PCDH11X: variants seen among roughly 807,000 people sequenced by gnomAD.
The protein encoded by PCDH11X is protocadherin 11 X-linked.
Under a neutral mutation model 53.3 loss-of-function variants are expected in PCDH11X, and 18 were observed. The ratio of observed to expected loss-of-function variants is 0.34; its 90% CI spans 0.23 to 0.50. The LOEUF (loss-of-function observed/expected upper bound fraction) is 0.50, where lower values mean the gene tolerates loss of function less well. Among genes scored for constraint, PCDH11X ranks in the 20% least tolerant of loss-of-function variants. The pLI, the probability that PCDH11X is intolerant of heterozygous loss-of-function variation, is 0.98. For missense variants in PCDH11X, 570 were observed against 1,032.4 expected (o/e 0.55, Z 6.14); for synonymous variants, 279 against 393.3 (o/e 0.71, Z 3.44).
At position 92,402,487 on chromosome X, in the gene PCDH11X, T is replaced by C. The variant is rs192902340; in HGVS notation, c.3343+14554T>C. 3.0e-4 allele frequency among the ~76,000 whole-genome samples: 33 copies of C among 111,168 alleles called. No homozygotes were observed. The Admixed American group carries it at 3.0e-3, about 10-fold the overall frequency. The stretch of plus-strand genomic sequence containing the variant: ...GAGCCTAGAAGTAAGGCCACACACA[T>C]ACAATCATCTGGTCCTTGACAAAGC... On this transcript the variant is annotated intron_variant, in intron 9 of 10. Transcript: ENST00000682573.
At chrX:92,098,064 A>G (rs1241161233) in intron 6 of PCDH11X, among the ~76,000 whole-genome samples, 1 of 110,984 alleles carries the variant, frequency 9.0e-6, no homozygotes, top group Non-Finnish European at 1.9e-5. Flanking sequence ...GACTGCTTAT[A>G]CATATATGTA....
intron 4 of PCDH11X, among the ~76,000 whole-genome samples, chrX:91,828,371 C>T (rs1602312036): frequency 9.0e-6 from 1 of 110,694 alleles, no homozygotes; most frequent in Non-Finnish European, 1.9e-5. Flanking sequence ...CCGCCCGCTT[C>T]GGCCAAAAGG....
Position 92,157,988 on chromosome X carries a change from G to A in PCDH11X, c.3034-43387G>A, listed in dbSNP as rs1021217071. On this transcript the variant is annotated intron_variant, in intron 6 of 10. Transcript: ENST00000682573. ...CCAGCACTTTGGGGGGCTGAGGTGG[G>A]TGGATCACCTGAGTTCAGGAGTTCG... 3.4e-4 allele frequency among the ~76,000 whole-genome samples: 38 copies of A among 111,231 alleles called. 1 individual carries two copies. The Admixed American group carries it at 3.7e-3, about 11-fold the overall frequency.
chrX:92,481,972 AT>A (rs1248231520), intron 10 of PCDH11X, among the ~76,000 whole-genome samples: 1 of 99,826 alleles, frequency 1.0e-5, no homozygotes, highest in East Asian at 3.2e-4. Flanking sequence ...CCCTTGCAGT[AT>A]TCCCAGCTTC....
At chrX:92,316,449 G>A (rs1452776393) in intron 8 of PCDH11X, among the ~76,000 whole-genome samples, 1 of 109,897 alleles carries the variant, frequency 9.1e-6, no homozygotes, top group Non-Finnish European at 1.9e-5. Context: ...TTATATCCAA[G>A]ATGATATAAA....
intron 5 of PCDH11X, among the ~76,000 whole-genome samples, chrX:91,870,581 A>G (rs1417374338): frequency 9.0e-6 from 1 of 111,158 alleles, no homozygotes; most frequent in African/African-American, 3.3e-5. Context: ...ACCACATGCT[A>G]TGAATAGTAC....
chrX:91,846,814 A>G, intron 5 of PCDH11X, among the ~76,000 whole-genome samples: 1 of 108,534 alleles, frequency 9.2e-6, no homozygotes, highest in Non-Finnish European at 1.9e-5. Flanking sequence ...TTTACTGACA[A>G]CAGCTTTTTT....
At chrX:92,165,298 T>C (rs1406332033) in intron 6 of PCDH11X, among the ~76,000 whole-genome samples, 1 of 111,892 alleles carries the variant, frequency 8.9e-6, no homozygotes, top group South Asian at 3.7e-4. Context: ...AGCAGTCTCC[T>C]TGTATATTTT....
At chrX:91,992,273 A>G (rs2062340042) in intron 6 of PCDH11X, among the ~76,000 whole-genome samples, 2 of 104,770 alleles carry the variant, frequency 1.9e-5, no homozygotes, top group Admixed American at 2.1e-4. Flanking sequence ...AGCCCTGGCT[A>G]GTCATTTTCA....
At chrX:92,226,569 A>C (rs2066975329) in intron 7 of PCDH11X, among the ~76,000 whole-genome samples, 1 of 112,091 alleles carries the variant, frequency 8.9e-6, no homozygotes, top group Non-Finnish European at 1.9e-5. Flanking sequence ...AGCAGGAGAA[A>C]GTTACAGTAA....
At chrX:92,421,068 C>T (rs1390389972) in intron 9 of PCDH11X, among the ~76,000 whole-genome samples, 1 of 111,519 alleles carries the variant, frequency 9.0e-6, no homozygotes, top group Non-Finnish European at 1.9e-5. Context: ...TCTGTCATCT[C>T]CGTTCTGCTC....
chrX:92,568,775 G>A (rs1343585477), intron 10 of PCDH11X, among the ~76,000 whole-genome samples: 1 of 110,808 alleles, frequency 9.0e-6, no homozygotes, highest in Non-Finnish European at 1.9e-5. Context: ...AACTGAGAAG[G>A]AGTCAATAAC....
chrX:92,593,429 T>C (rs1166254539), intron 10 of PCDH11X, among the ~76,000 whole-genome samples: 1 of 112,070 alleles, frequency 8.9e-6, no homozygotes, highest in African/African-American at 3.2e-5. Flanking sequence ...CAGCATAGCA[T>C]GTACTTGAGA....
intron 6 of PCDH11X, among the ~76,000 whole-genome samples, chrX:92,176,111 G>A (rs887290724): frequency 9.0e-6 from 1 of 110,986 alleles, no homozygotes; most frequent in Non-Finnish European, 1.9e-5. Context: ...GAAGCAGAGT[G>A]AACGAGAGCA....
intron 6 of PCDH11X, among the ~76,000 whole-genome samples, chrX:91,958,105 G>C (rs978885313): frequency 9.0e-6 from 1 of 111,216 alleles, no homozygotes; most frequent in African/African-American, 3.3e-5. Flanking sequence ...TGGACCATCT[G>C]TATTCTCCAC....
chrX:92,125,899 G>T (rs2064852653), intron 6 of PCDH11X, among the ~76,000 whole-genome samples: 1 of 110,461 alleles, frequency 9.1e-6, no homozygotes, highest in African/African-American at 3.3e-5. Context: ...GGCCGAGGCA[G>T]GTGGATCACC....
chrX:92,136,275 A>G (rs1187933136), intron 6 of PCDH11X, among the ~76,000 whole-genome samples: 2 of 110,696 alleles, frequency 1.8e-5, no homozygotes, highest in African/African-American at 6.6e-5. Flanking sequence ...CAAAAATACA[A>G]AGGCACTAGA....
intron 10 of PCDH11X, among the ~76,000 whole-genome samples, chrX:92,472,199 C>A (rs1307952503): frequency 1.8e-5 from 2 of 109,883 alleles, no homozygotes; most frequent in African/African-American, 6.6e-5. Context: ...CGGAATGATA[C>A]TGCCTAGGTT....
At chrX:92,483,194 C>A (rs1309084129) in intron 10 of PCDH11X, among the ~76,000 whole-genome samples, 1 of 111,545 alleles carries the variant, frequency 9.0e-6, no homozygotes, top group Non-Finnish European at 1.9e-5. Flanking sequence ...TCATGATAAT[C>A]CATATTTTGT....
Sources: allele counts gnomAD v4.1 joint callset (sites outside exome capture counted in the v4.1 genomes callset), GRCh38; gene constraint gnomAD v4.1.1; transcripts MANE v1.5; gene names NCBI Gene and HGNC (gene_info 2026-07-23, HGNC 2026-07-21).